NDUFAF7: variants seen among roughly 807,000 people sequenced by gnomAD.
The protein encoded by NDUFAF7 is NADH:ubiquinone oxidoreductase complex assembly factor 7.
NDUFAF7 carries 48 observed loss-of-function variants against 47.2 expected under a neutral mutation model. That is an observed-to-expected ratio of 1.02 (90% CI 0.81 to 1.29). The LOEUF is 1.29. Ranked by LOEUF, NDUFAF7 falls within the 50% of genes most tolerant of loss-of-function variation. The pLI, the probability that NDUFAF7 is intolerant of heterozygous loss-of-function variation, is 0.00. For synonymous variants in NDUFAF7, 217 were observed against 190.0 expected, an observed-to-expected ratio of 1.14 and a Z score of -1.17; for missense variants, 635 against 537.6, an observed-to-expected ratio of 1.18 and a Z score of -1.79.
chr2:37,264,380 C>G, the NDUFAF7 span, among the ~76,000 whole-genome samples: 1 of 152,118 alleles, frequency 6.6e-6, no homozygotes. Context: ...TTAAACAAAA[C>G]TTGACAAAGA....
chr2:37,243,294 T>C (rs1558500745), intron 6 of NDUFAF7, among the ~76,000 whole-genome samples: 1 of 152,156 alleles, frequency 6.6e-6, no homozygotes, highest in Admixed American at 6.5e-5. Flanking sequence ...CTACTAAAAA[T>C]AGAAAAATTA....
In NDUFAF7 at chr2:37,232,361, G is replaced by C. The variant is rs576980209; in HGVS notation, c.216+95G>C. ...AGCCCGAAGGTTCTCAGCCCAGGCA[G>C]TGGGGGTGCCTGCCAGGGGAAGAGC... On this transcript the variant is annotated intron_variant, in intron 2 of 9. Transcript: ENST00000002125. The C allele has an allele frequency of 2.6e-6, 4 of 1,512,686 alleles. No homozygotes were observed. The South Asian group carries it at 3.4e-5, about 13-fold the overall frequency. 93.7% of individuals were successfully genotyped at this position (1,512,686 alleles called of 1,614,324 possible).
At chr2:37,243,812 G>A (rs908169958) in intron 6 of NDUFAF7, 51 bp from the exon 7 acceptor site, 3 of 1,369,262 alleles carry the variant, frequency 2.2e-6, no homozygotes, top group African/African-American at 1.4e-5. Flanking sequence ...TAGAAGCAAT[G>A]TAGAGAACAA....
intron 2 of NDUFAF7, 76 bp downstream of exon 2, chr2:37,232,342 A>G: frequency 1.9e-6 from 3 of 1,582,318 alleles, no homozygotes; most frequent in South Asian, 2.2e-5. Context: ...GAGAAGCCCG[A>G]AGGTTCTCAG....
chr2:37,261,414 G>C, the NDUFAF7 span, among the ~76,000 whole-genome samples: 1 of 151,812 alleles, frequency 6.6e-6, no homozygotes, highest in African/African-American at 2.4e-5. Context: ...TTGAACCTGG[G>C]AGGTGGAGGC....
chr2:37,240,207 A>G (rs185943059), intron 4 of NDUFAF7, among the ~76,000 whole-genome samples: 3 of 152,240 alleles, frequency 2.0e-5, no homozygotes, highest in East Asian at 3.9e-4. Context: ...GAGGCTCCCA[A>G]AGTTCAAGAT....
chr2:37,269,331 A>T, the NDUFAF7 span: 6 of 381,894 alleles, frequency 1.6e-5, no homozygotes, highest in Non-Finnish European at 3.0e-5. Context: ...ACTTCAAACC[A>T]TCTCCCCCCC....
rs1667057702 is a variant in NDUFAF7, at chr2:37,247,525, G to A, written c.1006G>A (p.Asp336Asn). 2.5e-6 allele frequency: 4 copies of A among 1,614,036 alleles called. No homozygotes were observed. The highest frequency in any genetic ancestry group is 3.4e-6 in the Non-Finnish European group (4 of 1,179,992). ...AACAGCAGATCTAACAGCTGATGTG[G>A]ACTTCAGTTATTTGCGAAGAATGGC... ...PGTADLTADV[D>N]FSYLRRMAQG... Residue 336 changes from aspartate (D) to asparagine (N), a missense_variant, in exon 9 of 10, where the codon GAC (aspartate) becomes AAC (asparagine). Physicochemically the swap from Asp to Asn is conservative, Grantham distance 23. Coordinates refer to ENST00000002125, the MANE Select transcript of NDUFAF7 (RefSeq NM_144736.5).
At chr2:37,257,035 C>A, downstream of NDUFAF7, 1 of 1,219,862 alleles carries the variant, frequency 8.2e-7, no homozygotes, top group Non-Finnish European at 1.2e-6. Context: ...CTTGCCAGCT[C>A]TACTGATTAT....
intron 4 of NDUFAF7, 81 bp downstream of exon 4, chr2:37,237,948 T>G: frequency 2.1e-6 from 2 of 942,182 alleles, no homozygotes; most frequent in South Asian, 2.8e-5. Flanking sequence ...TTGATTTCAT[T>G]GGTTTTCAGT....
the NDUFAF7 span, among the ~76,000 whole-genome samples, chr2:37,264,723 T>C: frequency 6.6e-6 from 1 of 151,968 alleles, no homozygotes; most frequent in South Asian, 2.1e-4. Flanking sequence ...AGCAAGAAAG[T>C]CAACATGGCT....
At chr2:37,240,406 A>T (rs1558496847) in intron 4 of NDUFAF7, among the ~76,000 whole-genome samples, 1 of 151,886 alleles carries the variant, frequency 6.6e-6, no homozygotes, top group Non-Finnish European at 1.5e-5. Context: ...CTGTCTCAAA[A>T]AAAAAACCAA....
Position 37,243,386 on chromosome 2 carries a change from A to G in NDUFAF7, c.682-477A>G, listed in dbSNP as rs374274307. Among the ~76,000 whole-genome samples, 72 of 152,306 alleles carry G rather than the reference A, an allele frequency of 4.7e-4. 1 individual carries two copies. In the East Asian group the frequency reaches 0.013, roughly 27 times the overall value. ...AGAATCACTTGAACCCAGGAGGCAG[A>G]GGTTGCAGTGAGCTGAGATTGCACC... On this transcript the variant is annotated intron_variant, in intron 6 of 9. Transcript: ENST00000002125.
chr2:37,268,358 T>C, the NDUFAF7 span: 5 of 470,836 alleles, frequency 1.1e-5, no homozygotes, highest in African/African-American at 1.0e-4. Flanking sequence ...GTAACTACTC[T>C]TAAAACTGAC....
intron 4 of NDUFAF7, among the ~76,000 whole-genome samples, chr2:37,239,649 A>G (rs1015497928): frequency 4.6e-5 from 7 of 152,232 alleles, no homozygotes; most frequent in African/African-American, 1.4e-4. Context: ...ATAGTCATAC[A>G]GTGGAATACG....
Position 37,232,180 on chromosome 2 carries a change from C to G in NDUFAF7, c.130C>G (p.Leu44Val). The G allele has an allele frequency of 6.2e-7, 1 of 1,614,176 alleles. No homozygotes were observed. The highest frequency in any genetic ancestry group is 8.5e-7 in the Non-Finnish European group (1 of 1,180,024). Residue 44 changes from leucine to valine, a missense_variant, in exon 2 of 10, where the codon CTG becomes GTG. By Grantham distance (32) the Leu-to-Val change is conservative. Transcript: ENST00000002125. ...TGCAGAAAACCCGGTGACGCCGATG[C>G]TGCGGCATCTTATGTACAAAATAAA... ...EPAENPVTPM[L>V]RHLMYKIKST...
the NDUFAF7 span, chr2:37,260,329 C>T: frequency 1.2e-6 from 2 of 1,609,944 alleles, no homozygotes; most frequent in Non-Finnish European, 1.7e-6. Context: ...TACAAAGACT[C>T]GTTCTGGGGT....
At position 37,232,145 on chromosome 2, in the gene NDUFAF7, G is replaced by T. The variant is rs1404820872; in HGVS notation, c.95G>T (p.Gly32Val). Residue 32 changes from glycine (G) to valine (V), a missense_variant, in exon 2 of 10, where the codon GGG becomes GTG. Coordinates refer to ENST00000002125, the MANE Select transcript of NDUFAF7 (RefSeq NM_144736.5). ...FIWRGKYFSS[G>V]NEPAENPVTP... ...TGGAGAGGGAAATACTTCAGCTCCGGGAATGAGCCTGCAGAAAACCCGGTG... is the reference window on the plus strand; with the variant it reads ...TGGAGAGGGAAATACTTCAGCTCCGTGAATGAGCCTGCAGAAAACCCGGTG... The T allele has an allele frequency of 1.2e-6, 2 of 1,614,234 alleles. No homozygotes were observed. The highest frequency in any genetic ancestry group is 4.5e-5 in the East Asian group (2 of 44,890).
At position 37,231,695 on chromosome 2, in the gene NDUFAF7, C is replaced by T. The variant is rs770930117; in HGVS notation, c.-11C>T. The T allele has an allele frequency of 3.7e-6, 6 of 1,614,084 alleles. No homozygotes were observed. The Admixed American group carries it at 6.7e-5, about 18-fold the overall frequency. ...GCTCCTGGCGGAGCGAGCTAGCCTG[C>T]GAATTTCAGCATGAGTGTACTGCTG... On this transcript the variant is annotated 5_prime_UTR_variant, in exon 1 of 10. Transcript: ENST00000002125.
Sources: gnomAD v4.1 joint callset for allele counts (sites outside exome capture counted in the v4.1 genomes callset) on GRCh38, gnomAD v4.1.1 for gene constraint, MANE v1.5 for transcripts, NCBI Gene and HGNC (gene_info 2026-07-23, HGNC 2026-07-21) for gene names.